The following SLC1A6 variants were observed in gnomAD, a reference collection of about 807,000 sequenced individuals.
SLC1A6 encodes excitatory amino acid transporter 4.
A neutral mutation model predicts 42.1 loss-of-function variants in SLC1A6; 15 were observed. That is an observed-to-expected ratio of 0.36 (90% confidence interval 0.24 to 0.55). The LOEUF (loss-of-function observed/expected upper bound fraction) is 0.55, where lower values mean the gene tolerates loss of function less well. Ranked by LOEUF, SLC1A6 falls within the 20% of genes least tolerant of loss-of-function variation. The pLI, the probability that SLC1A6 is intolerant of heterozygous loss-of-function variation, is 0.88. For synonymous variants in SLC1A6, 317 were observed against 319.7 expected (o/e 0.99, Z 0.09); for missense variants, 542 against 772.5 (o/e 0.70, Z 3.54).
chr19:14,950,223 C>T lies in SLC1A6; in HGVS notation c.1667G>A (p.Gly556Glu). ...CATAGCACTCTCGTTGCCTCCCCGTCCCCGGGATGCCCCCTTCTCCTGTGC... is the reference window on the plus strand; with the variant it reads ...CATAGCACTCTCGTTGCCTCCCCGTTCCCGGGATGCCCCCTTCTCCTGTGC... The part of the protein sequence containing the change: ...LMAQEKGASR[G>E]RGGNESAM The change falls in exon 10 of 10, where the codon GGA becomes GAA. Residue 556 changes from glycine to glutamate, a missense_variant. Physicochemically the swap from Gly to Glu is moderately conservative, Grantham distance 98. Transcript: ENST00000594383. 1.3e-6 allele frequency: 2 copies of T among 1,587,156 alleles called. No homozygotes were observed. Among genetic ancestry groups the T allele is most frequent in the Non-Finnish European group, 1.7e-6 (2 of 1,161,642 alleles).
At chr19:14,973,676 A>G (rs1329687009) in intron 1 of SLC1A6, 1 of 152,736 alleles carries the variant, frequency 6.5e-6, no homozygotes, top group Non-Finnish European at 1.5e-5. Context: ...CAGTGGCTCA[A>G]GGGAAATTAA....
chr19:14,996,532 T>TTCTTCTTCTTCTTCTTCTTCTTCTTCG (rs2045847338), intron 1 of SLC1A6, among the ~76,000 whole-genome samples: 1 of 110,954 alleles, frequency 9.0e-6, no homozygotes, highest in Non-Finnish European at 2.0e-5. Flanking sequence ...CTCCTCTTTC[T>TTCTTCTTCTTCTTCTTCTTCTTCTTCG]TCTTCTTCTT....
Position 14,972,895 on chromosome 19 carries a change from T to G in SLC1A6, c.16A>C (p.Asn6His), listed in dbSNP as rs1389036111. Reference protein sequence around the residue: MSSHGNSLFLRESGQR... With the variant: MSSHGHSLFLRESGQR... ...CCGCTCTCCCGCAGGAACAGGCTGT[T>G]GCCATGGCTGCTCATGGTCTATCTG... The change falls in exon 2 of 10, where the codon AAC (asparagine) becomes CAC (histidine). Residue 6 changes from asparagine to histidine, a missense_variant. Asn to His is a moderately conservative substitution (Grantham distance 68, BLOSUM62 1). Transcript: ENST00000594383. 1.3e-6 allele frequency: 2 copies of G among 1,588,014 alleles called. No homozygotes were observed. The highest frequency in any genetic ancestry group is 1.8e-5 in the Admixed American group (1 of 55,798).
chr19:14,983,551 T>TG (rs1018384842), upstream of SLC1A6, among the ~76,000 whole-genome samples: 12 of 151,508 alleles, frequency 7.9e-5, no homozygotes, highest in African/African-American at 2.7e-4. Context: ...GAGCCAGGTA[T>TG]GGGGGGCGTG....
intron 1 of SLC1A6, among the ~76,000 whole-genome samples, chr19:15,010,056 G>A (rs2045917588): frequency 6.6e-6 from 1 of 151,712 alleles, no homozygotes; most frequent in Admixed American, 6.6e-5. Context: ...CATGGTGGTG[G>A]GCGCCTGTAA....
intron 1 of SLC1A6, among the ~76,000 whole-genome samples, chr19:15,002,372 G>A (rs2045876079): frequency 6.6e-6 from 1 of 152,128 alleles, no homozygotes; most frequent in South Asian, 2.1e-4. Context: ...CTGGCTTCAA[G>A]CAATCCTCCT....
intron 4 of SLC1A6, among the ~76,000 whole-genome samples, chr19:14,967,475 C>T (rs752717512): frequency 3.3e-5 from 5 of 152,158 alleles, no homozygotes; most frequent in South Asian, 2.1e-4. Flanking sequence ...AGGTCAGACA[C>T]GCCTCCTTAC....
At chr19:14,968,867 G>A (rs952031765) in intron 3 of SLC1A6, among the ~76,000 whole-genome samples, 8 of 147,740 alleles carry the variant, frequency 5.4e-5, no homozygotes, top group African/African-American at 1.5e-4. Flanking sequence ...TTTTTGAGAC[G>A]GACTCTCCTT....
intron 1 of SLC1A6, among the ~76,000 whole-genome samples, chr19:15,007,706 A>G (rs368331925): frequency 2.0e-5 from 3 of 152,064 alleles, no homozygotes; most frequent in Admixed American, 6.6e-5. Flanking sequence ...TCTTAGAGTC[A>G]ATCATCAGAG....
chr19:14,950,172 G>A lies in SLC1A6; in HGVS notation c.*23C>T, dbSNP rs760942344. ...TCCCCAGCCCCCTTCCCTCCTCTCT[G>A]GGGGGGCAGAGCTGGAGGCCCCTCA... On this transcript the variant is annotated 3_prime_UTR_variant, in exon 10 of 10. Coordinates refer to ENST00000594383, the MANE Select transcript of SLC1A6 (RefSeq NM_005071.3). The A allele has an allele frequency of 7.3e-6, 6 of 818,010 alleles. No homozygotes were observed. Among genetic ancestry groups the A allele is most frequent in the Non-Finnish European group, 9.8e-6 (6 of 611,208 alleles). 50.7% of individuals were successfully genotyped at this position (818,010 alleles called of 1,614,324 possible). A position where few individuals can be genotyped will look rare whatever the true frequency, so the allele number is the denominator to read the frequency against.
intron 1 of SLC1A6, among the ~76,000 whole-genome samples, chr19:14,975,525 T>C (rs8104013): frequency 0.72 from 109,409 of 151,814 alleles, 39,708 homozygotes; most frequent in African/African-American, 0.81. Flanking sequence ...AAGGCCGAGG[T>C]GGGCAGATCA....
intron 3 of SLC1A6, among the ~76,000 whole-genome samples, chr19:14,968,921 C>T (rs751030526): frequency 1.3e-5 from 2 of 151,946 alleles, no homozygotes; most frequent in Non-Finnish European, 2.9e-5. Flanking sequence ...CTCAGTACAA[C>T]CTCCATCTCC....
intron 1 of SLC1A6, among the ~76,000 whole-genome samples, chr19:14,994,340 G>T (rs1272747121): frequency 6.6e-6 from 1 of 152,042 alleles, no homozygotes; most frequent in East Asian, 1.9e-4. Flanking sequence ...AGAGCACAAG[G>T]TCCTGGCTGG....
Position 14,964,345 on chromosome 19 carries a change from T to C in SLC1A6, c.565A>G (p.Asn189Asp), listed in dbSNP as rs1385005304. The stretch of plus-strand genomic sequence containing the variant: ...TGTTTGAAGCAGGCCTCCACAAGGT[T>C]TGGTGGAAACATATTTCTGCAGAAA... ...MDLIRNMFPP[N>D]LVEACFKQFK... Residue 189 changes from asparagine (N) to aspartate (D), a missense_variant, in exon 5 of 10, where the codon AAC (asparagine) becomes GAC (aspartate). Asn to Asp is a conservative substitution (Grantham distance 23). This residue lies in a region of SLC1A6 where 298 missense variants were observed against 419.4 expected (regional missense o/e 0.71). Coordinates refer to ENST00000594383, the MANE Select transcript of SLC1A6 (RefSeq NM_005071.3). 1 of 1,613,844 alleles carries C rather than the reference T, an allele frequency of 6.2e-7. No individual in the cohort carries two copies. The highest frequency in any genetic ancestry group is 1.7e-5 in the Admixed American group (1 of 59,986).
chr19:15,008,932 G>A (rs1021285110), intron 1 of SLC1A6, among the ~76,000 whole-genome samples: 2 of 151,514 alleles, frequency 1.3e-5, no homozygotes, highest in African/African-American at 4.8e-5. Context: ...GGAGGCAGAG[G>A]TTGCAGTGAG....
chr19:14,978,258 C>T (rs773116600), intron 1 of SLC1A6: 13 of 152,150 alleles, frequency 8.5e-5, no homozygotes, highest in Admixed American at 5.2e-4. Flanking sequence ...GGCTGCTTCT[C>T]GGAGCCTCTT....
chr19:14,958,298 C>A (rs975453051), intron 6 of SLC1A6, among the ~76,000 whole-genome samples: 1 of 151,830 alleles, frequency 6.6e-6, no homozygotes, highest in Non-Finnish European at 1.5e-5. Flanking sequence ...GTAGTCCCAG[C>A]TACTCGGGAG....
intron 7 of SLC1A6, 152 bp downstream of exon 7, chr19:14,956,324 G>C: frequency 1.9e-6 from 1 of 535,488 alleles, no homozygotes; most frequent in Admixed American, 3.5e-5. Flanking sequence ...GACAATGACT[G>C]GACCCCAGGT....
At chr19:14,961,321 A>G (rs895754228) in intron 6 of SLC1A6, 7 of 152,396 alleles carry the variant, frequency 4.6e-5, no homozygotes, top group Admixed American at 4.6e-4. Context: ...TATGTTGCAC[A>G]TGAAAATATA....
Sources: gnomAD v4.1 joint callset for allele counts (sites outside exome capture counted in the v4.1 genomes callset) on GRCh38, gnomAD v4.1.1 for gene constraint, gnomAD v4.1.1 regional missense constraint, MANE v1.5 for transcripts, NCBI Gene and HGNC (gene_info 2026-07-23, HGNC 2026-07-21) for gene names.